The following ME3 variants were observed in gnomAD, a reference collection of about 807,000 sequenced individuals.
ME3 encodes NADP-dependent malic enzyme, mitochondrial.
In ME3, 48 loss-of-function variants were observed where a neutral mutation model predicts 68.9. The observed-to-expected ratio is 0.70, with a 90% CI of 0.55 to 0.89. ME3 has a LOEUF of 0.89. Ranked by LOEUF, ME3 falls within the 40% of genes least tolerant of loss-of-function variation. The pLI is 0.00. For missense variants in ME3, 675 were observed against 797.4 expected (o/e 0.85, Z 1.85); for synonymous variants, 320 against 318.8 (o/e 1.00, Z -0.04).
At chr11:86,441,925 T>G (rs1189587469) in intron 14 of ME3, among the ~76,000 whole-genome samples, 1 of 152,188 alleles carries the variant, frequency 6.6e-6, no homozygotes, top group East Asian at 1.9e-4. Flanking sequence ...AATCTAAATA[T>G]CGCCCAAAGG....
At chr11:86,535,714 A>G (rs1955605435) in intron 4 of ME3, among the ~76,000 whole-genome samples, 1 of 152,126 alleles carries the variant, frequency 6.6e-6, no homozygotes, top group African/African-American at 2.4e-5. Context: ...CACTTTTTAC[A>G]TTTACTTTTT....
chr11:86,625,411 G>T (rs1309886065), intron 2 of ME3, among the ~76,000 whole-genome samples: 4 of 151,988 alleles, frequency 2.6e-5, no homozygotes, highest in African/African-American at 9.7e-5. Flanking sequence ...AATTTGCAGT[G>T]CCTCAATTAC....
intron 10 of ME3, among the ~76,000 whole-genome samples, chr11:86,448,516 G>A (rs972456485): frequency 5.3e-5 from 8 of 152,088 alleles, no homozygotes; most frequent in Non-Finnish European, 1.0e-4. Flanking sequence ...GAATTTATTT[G>A]AGCTGTTAGG....
intron 12 of ME3, 27 bp downstream of exon 12, chr11:86,447,038 C>T (rs757224337): frequency 1.5e-5 from 24 of 1,610,272 alleles, no homozygotes; most frequent in Middle Eastern, 1.7e-4. Flanking sequence ...TCCTCTCAGC[C>T]GGGGGAAGGA....
chr11:86,671,637 G>C lies in ME3; in HGVS notation c.183+125C>G, dbSNP rs1946950220. 10 of 1,215,756 alleles carry C rather than the reference G, an allele frequency of 8.2e-6. No homozygotes were observed. In the South Asian group the frequency reaches 1.4e-4, roughly 17 times the overall value. The allele number at this position is 1,215,756 out of a possible 1,614,324, so 75.3% of individuals were successfully genotyped here. A position where few individuals can be genotyped will look rare whatever the true frequency, so the allele number is the denominator to read the frequency against. On this transcript the variant is annotated intron_variant, in intron 2 of 14. Coordinates refer to ENST00000543262, the Ensembl canonical transcript of ME3. The stretch of plus-strand genomic sequence containing the variant: ...ACCAAGTCACAACAAGCCCCTGCAA[G>C]GCAAAAACAGAAAAACCGCTGGAAG...
chr11:86,636,958 A>G (rs1944368458), intron 2 of ME3, among the ~76,000 whole-genome samples: 1 of 152,198 alleles, frequency 6.6e-6, no homozygotes, highest in Admixed American at 6.5e-5. Flanking sequence ...GAGGAGTAGA[A>G]TTACAGAGAA....
At chr11:86,513,382 G>C (rs1953674402) in intron 4 of ME3, among the ~76,000 whole-genome samples, 1 of 152,120 alleles carries the variant, frequency 6.6e-6, no homozygotes. Context: ...TAGCTACAAA[G>C]GATTTTGAAA....
chr11:86,493,413 G>A (rs1335654164), intron 6 of ME3, among the ~76,000 whole-genome samples: 6 of 152,262 alleles, frequency 3.9e-5, no homozygotes, highest in South Asian at 4.1e-4. Context: ...TCCATCCCCC[G>A]GGATTCCCCC....
intron 3 of ME3, among the ~76,000 whole-genome samples, chr11:86,558,805 A>AT (rs1231730642): frequency 6.6e-6 from 1 of 152,256 alleles, no homozygotes; most frequent in African/African-American, 2.4e-5. Flanking sequence ...ATACTAAGGC[A>AT]TTTAATCCTC....
At chr11:86,668,234 T>C (rs1228032651) in intron 2 of ME3, 1 of 152,194 alleles carries the variant, frequency 6.6e-6, no homozygotes, top group Admixed American at 6.5e-5. Context: ...CTTCCTTGGC[T>C]TCTCTTTTCT....
chr11:86,577,199 A>T (rs1379245341), intron 2 of ME3, among the ~76,000 whole-genome samples: 1 of 152,210 alleles, frequency 6.6e-6, no homozygotes, highest in East Asian at 1.9e-4. Flanking sequence ...CTCAGACAGC[A>T]CTGAGTCCAT....
intron 11 of ME3, among the ~76,000 whole-genome samples, chr11:86,447,781 C>A (rs1265248776): frequency 1.3e-5 from 2 of 150,654 alleles, no homozygotes; most frequent in African/African-American, 4.9e-5. Flanking sequence ...TCACTTGAAC[C>A]CAGGGGGCGG....
At chr11:86,610,621 C>T (rs2135190500) in intron 2 of ME3, among the ~76,000 whole-genome samples, 1 of 141,704 alleles carries the variant, frequency 7.1e-6, no homozygotes, top group Middle Eastern at 3.7e-3. Context: ...GCTGTGCATG[C>T]ATGAATCTAT....
intron 4 of ME3, among the ~76,000 whole-genome samples, chr11:86,539,080 G>A (rs893132127): frequency 3.3e-5 from 5 of 152,148 alleles, no homozygotes; most frequent in African/African-American, 1.2e-4. Context: ...CTCAAAGTGC[G>A]TGACCATTTG....
intron 8 of ME3, among the ~76,000 whole-genome samples, chr11:86,460,021 T>TAA (rs1950152791): frequency 6.6e-6 from 1 of 152,248 alleles, no homozygotes; most frequent in Non-Finnish European, 1.5e-5. Context: ...GCCCCTTGTG[T>TAA]GGCTCTCCTT....
chr11:86,649,647 A>G (rs1594781012), intron 2 of ME3, among the ~76,000 whole-genome samples: 1 of 152,236 alleles, frequency 6.6e-6, no homozygotes, highest in Admixed American at 6.5e-5. Context: ...TGCAAAAATC[A>G]CAAGCATTCA....
At chr11:86,530,232 T>G (rs1373770390) in intron 4 of ME3, among the ~76,000 whole-genome samples, 7 of 151,986 alleles carry the variant, frequency 4.6e-5, no homozygotes, top group Middle Eastern at 6.3e-3. Flanking sequence ...AAATCATGAG[T>G]GAACTCCCAT....
intron 8 of ME3, among the ~76,000 whole-genome samples, chr11:86,463,802 T>C (rs904359565): frequency 6.6e-6 from 1 of 152,254 alleles, no homozygotes; most frequent in African/African-American, 2.4e-5. Context: ...ACTTGGTTTG[T>C]AATATAAGAT....
At chr11:86,492,752 TC>T (rs1344330855) in intron 6 of ME3, among the ~76,000 whole-genome samples, 12 of 152,362 alleles carry the variant, frequency 7.9e-5, no homozygotes, top group Admixed American at 3.3e-4. Flanking sequence ...GTAAGGTTTT[TC>T]TTGGAGACAA....
Sources: allele counts gnomAD v4.1 joint callset (sites outside exome capture counted in the v4.1 genomes callset), GRCh38; gene constraint gnomAD v4.1.1; transcripts MANE v1.5; gene names NCBI Gene and HGNC (gene_info 2026-07-23, HGNC 2026-07-21).